Variants in ACBD6 observed in about 807,000 individuals in gnomAD.
The protein encoded by ACBD6 is acyl-CoA binding domain containing 6.
In ACBD6, 28 loss-of-function variants were observed where a neutral mutation model predicts 37.2. The observed-to-expected ratio is 0.75, with a 90% CI of 0.56 to 1.03. ACBD6 has a LOEUF of 1.03. Ranked by LOEUF, ACBD6 falls within the 50% of genes least tolerant of loss-of-function variation. The pLI is 0.00. For missense variants in ACBD6, 340 were observed against 337.4 expected (o/e 1.01, Z -0.06); for synonymous variants, 113 against 126.8 (o/e 0.89, Z 0.73).
intron 6 of ACBD6, among the ~76,000 whole-genome samples, chr1:180,380,417 G>A: frequency 6.6e-6 from 1 of 152,096 alleles, no homozygotes; most frequent in East Asian, 1.9e-4. Flanking sequence ...AGAATTGGAT[G>A]ATATATTCAA....
chr1:180,284,983 G>A (rs900015076), downstream of ACBD6, among the ~76,000 whole-genome samples: 1 of 151,934 alleles, frequency 6.6e-6, no homozygotes, highest in Non-Finnish European at 1.5e-5. Context: ...GAGAAAAAAA[G>A]AAATTAGTTG....
chr1:180,494,891 C>G (rs1367398486), intron 2 of ACBD6, among the ~76,000 whole-genome samples: 2 of 151,936 alleles, frequency 1.3e-5, no homozygotes, highest in East Asian at 3.9e-4. Context: ...AAAGTATACT[C>G]TTTTTTTTAT....
intron 5 of ACBD6, among the ~76,000 whole-genome samples, chr1:180,402,589 C>T (rs1261216115): frequency 1.3e-5 from 2 of 152,006 alleles, no homozygotes; most frequent in African/African-American, 2.4e-5. Flanking sequence ...AAGGCCAAAG[C>T]GGGCAAGTAT....
chr1:180,403,711 T>C (rs986843073), intron 5 of ACBD6, among the ~76,000 whole-genome samples: 1 of 152,210 alleles, frequency 6.6e-6, no homozygotes. Flanking sequence ...AAACAAAATG[T>C]GGTATATGCA....
chr1:180,339,202 A>C (rs1365285674), intron 6 of ACBD6, among the ~76,000 whole-genome samples: 1 of 152,376 alleles, frequency 6.6e-6, no homozygotes, highest in East Asian at 1.9e-4. Context: ...AAGGAGTATA[A>C]ATCATGCTGC....
rs1194033475 is a variant in ACBD6, at chr1:180,392,376, G to T, written c.663+5140C>A. Among the ~76,000 whole-genome samples the T allele has an allele frequency of 2.0e-5, 3 of 151,738 alleles. No individual in the cohort carries two copies. In the East Asian group the frequency reaches 5.8e-4, roughly 29 times the overall value. On this transcript the variant is annotated intron_variant, in intron 6 of 7. Transcript: ENST00000367595. ...AGACTTAATAATTTTAAATAATGAA[G>T]AAAAAACTTTATGTACAATATTATA...
intron 6 of ACBD6, among the ~76,000 whole-genome samples, chr1:180,367,206 C>T (rs1488573486): frequency 6.6e-6 from 1 of 152,060 alleles, no homozygotes; most frequent in East Asian, 1.9e-4. Flanking sequence ...TTTGTTAGCC[C>T]AGAAACTCTG....
At chr1:180,305,526 G>T (rs1650318085) in intron 7 of ACBD6, among the ~76,000 whole-genome samples, 1 of 152,154 alleles carries the variant, frequency 6.6e-6, no homozygotes, top group South Asian at 2.1e-4. Flanking sequence ...GGCCATCAGA[G>T]AAATGCAAAT....
In ACBD6 at chr1:180,288,466, G is replaced by A; in HGVS notation, c.746C>T (p.Ala249Val). Reference protein sequence around the residue: ...DIVELLLQSGADPTLRDQDGC... With the variant: ...DIVELLLQSGVDPTLRDQDGC... ...ATCCTGGTCTCGGAGAGTGGGGTCA[G>A]CACCAGACTGGAGCAGCAGCTCTAC... Residue 249 changes from alanine to valine, a missense_variant, in exon 8 of 8, where the codon GCT becomes GTT. By Grantham distance (64) the Ala-to-Val change is moderately conservative. Coordinates refer to ENST00000367595, the MANE Select transcript of ACBD6 (RefSeq NM_032360.4). 6.2e-7 allele frequency: 1 copy of A among 1,613,748 alleles called. No individual in the cohort carries two copies. The highest frequency in any genetic ancestry group is 1.1e-5 in the South Asian group (1 of 91,042).
intron 6 of ACBD6, among the ~76,000 whole-genome samples, chr1:180,338,213 C>G (rs774922148): frequency 3.3e-5 from 5 of 152,140 alleles, no homozygotes; most frequent in Non-Finnish European, 7.4e-5. Context: ...AAAAAGAGCC[C>G]ACATTGCCAA....
At chr1:180,341,162 A>G (rs1388572248) in intron 6 of ACBD6, among the ~76,000 whole-genome samples, 1 of 152,190 alleles carries the variant, frequency 6.6e-6, no homozygotes, top group Admixed American at 6.5e-5. Flanking sequence ...AAGCCAAGTT[A>G]CAGTCTTTGC....
exon 14 of ACBD6, chr1:180,270,115 T>G (rs1648550596): frequency 6.6e-6 from 1 of 152,264 alleles, no homozygotes; most frequent in Non-Finnish European, 1.5e-5. Flanking sequence ...AGTGAGTTAC[T>G]GGCCCAAGTC....
intron 4 of ACBD6, among the ~76,000 whole-genome samples, chr1:180,420,710 G>C (rs779214934): frequency 3.3e-5 from 5 of 152,152 alleles, no homozygotes; most frequent in Non-Finnish European, 7.4e-5. Flanking sequence ...AACCAATCCA[G>C]AAAAAGGGTT....
chr1:180,340,165 T>A lies in ACBD6; in HGVS notation c.664-25443A>T, dbSNP rs539070976. ...GAGAGAGAGGTAATAAAGGGCCAGA[T>A]GGCATAGGGCCTAGTAAGCCATTCT... On this transcript the variant is annotated intron_variant, in intron 6 of 7. Transcript: ENST00000367595. Among the ~76,000 whole-genome samples, 10 of 152,262 alleles carry A rather than the reference T, an allele frequency of 6.6e-5. No homozygotes were observed. In the South Asian group the frequency reaches 2.1e-3, roughly 32 times the overall value.
intron 1 of ACBD6, 137 bp downstream of exon 1, chr1:180,501,905 CAAA>C (rs5779061): frequency 3.1e-5 from 19 of 611,974 alleles, no homozygotes; most frequent in Admixed American, 5.9e-5. Context: ...AGCAGATGGT[CAAA>C]AAAAAAAAAA....
intron 3 of ACBD6, among the ~76,000 whole-genome samples, chr1:180,441,555 C>T (rs116227139): frequency 2.0e-3 from 303 of 152,246 alleles, no homozygotes; most frequent in African/African-American, 6.6e-3. Flanking sequence ...TAATTTCTTT[C>T]GGCAATATAG....
chr1:180,389,951 T>C (rs1046734114), intron 6 of ACBD6, among the ~76,000 whole-genome samples: 11 of 152,054 alleles, frequency 7.2e-5, no homozygotes, highest in African/African-American at 2.4e-4. Context: ...ATTTTGTAGG[T>C]TGCCTGTTCA....
At chr1:180,409,179 A>G (rs1264553969) in intron 5 of ACBD6, among the ~76,000 whole-genome samples, 1 of 152,170 alleles carries the variant, frequency 6.6e-6, no homozygotes, top group Admixed American at 6.5e-5. Context: ...AAGGAGCTAG[A>G]ATAAAATGTA....
At position 180,502,171 on chromosome 1, in the gene ACBD6, A is replaced by G. The variant is rs551300416; in HGVS notation, c.96T>C (p.His32=). Residue 32 remains histidine, a synonymous_variant, in exon 1 of 8, where the codon CAT becomes CAC. Coordinates refer to ENST00000367595, the MANE Select transcript of ACBD6 (RefSeq NM_032360.4). ...AACTGGTCTCCTCGATCTCAGGGCTATGGGGGAACTCCACCTCCCCGGAGT... is the reference window on the plus strand; with the variant it reads ...AACTGGTCTCCTCGATCTCAGGGCTGTGGGGGAACTCCACCTCCCCGGAGT... ...GDDSGEVEFP[H]SPEIEETSCL... 1,272 of 1,614,074 alleles carry G rather than the reference A, an allele frequency of 7.9e-4. 17 individuals are homozygous for G. The South Asian group carries it at 0.013, about 17-fold the overall frequency.
Sources: gnomAD v4.1 joint callset for allele counts (sites outside exome capture counted in the v4.1 genomes callset) on GRCh38, gnomAD v4.1.1 for gene constraint, MANE v1.5 for transcripts, NCBI Gene and HGNC (gene_info 2026-07-23, HGNC 2026-07-21) for gene names.